Variants in SPTLC3 observed in about 807,000 individuals in gnomAD.
SPTLC3 encodes the protein serine palmitoyltransferase long chain base subunit 3.
A neutral mutation model predicts 59.3 loss-of-function variants in SPTLC3; 36 were observed. That is an observed-to-expected ratio of 0.61 (90% CI 0.47 to 0.80). The LOEUF is 0.80. Ranked by LOEUF, SPTLC3 falls within the 30% of genes least tolerant of loss-of-function variation. The pLI is 0.00. For missense variants in SPTLC3, 625 were observed against 685.1 expected, an observed-to-expected ratio of 0.91 and a Z score of 0.98; for synonymous variants, 257 against 240.8, an observed-to-expected ratio of 1.07 and a Z score of -0.62.
chr20:13,138,671 T>C (rs1424806690), intron 9 of SPTLC3, among the ~76,000 whole-genome samples: 1 of 152,222 alleles, frequency 6.6e-6, no homozygotes, highest in Non-Finnish European at 1.5e-5. Flanking sequence ...ATAGAATTAT[T>C]TTAGTTCAAA....
At chr20:13,041,759 T>G (rs368533269) in intron 1 of SPTLC3, among the ~76,000 whole-genome samples, 3 of 151,554 alleles carry the variant, frequency 2.0e-5, no homozygotes, top group East Asian at 3.9e-4. Flanking sequence ...AGGATTGTCT[T>G]TGTTGTGTTT....
intron 2 of SPTLC3, among the ~76,000 whole-genome samples, chr20:13,052,430 G>A (rs1165699315): frequency 6.6e-6 from 1 of 152,154 alleles, no homozygotes; most frequent in Non-Finnish European, 1.5e-5. Context: ...TGGGTTTCAA[G>A]CACAAAATTG....
chr20:13,165,084 G>T lies in SPTLC3; in HGVS notation c.*217G>T. ...CAGATTTAAGTCTCTCTTCTTCCAA[G>T]TATTCTACTAGAAATACACACACAC... On this transcript the variant is annotated 3_prime_UTR_variant, in exon 12 of 12. Coordinates refer to ENST00000399002, the MANE Select transcript of SPTLC3 (RefSeq NM_018327.4). The T allele has an allele frequency of 2.1e-6, 1 of 482,582 alleles. No individual in the cohort carries two copies. Among genetic ancestry groups the T allele is most frequent in the Non-Finnish European group, 3.7e-6 (1 of 273,204 alleles). The allele number at this position is 482,582 out of a possible 1,614,324, so 29.9% of individuals were successfully genotyped here.
chr20:13,009,032 C>T lies in SPTLC3; in HGVS notation c.-236C>T. 1 of 411,838 alleles carries T rather than the reference C, an allele frequency of 2.4e-6. No homozygotes were observed. Among genetic ancestry groups the T allele is most frequent in the Admixed American group, 4.1e-5 (1 of 24,568 alleles). The allele number at this position is 411,838 out of a possible 1,614,324, so 25.5% of individuals were successfully genotyped here. A position where few individuals can be genotyped will look rare whatever the true frequency, so the allele number is the denominator to read the frequency against. On this transcript the variant is annotated 5_prime_UTR_variant, in exon 1 of 12. Coordinates refer to ENST00000399002, the MANE Select transcript of SPTLC3 (RefSeq NM_018327.4). ...TACAGTTTCGGAAGCAGGTTTGTTG[C>T]CATGGAGTTCACATTTTGACGGGAG... is the stretch of plus-strand genomic sequence containing the variant.
intron 3 of SPTLC3, chr20:13,073,933 C>G: frequency 1.7e-6 from 1 of 580,436 alleles, no homozygotes; most frequent in South Asian, 1.4e-5. Context: ...CTGGATCATC[C>G]AGGGAGGTGT....
chr20:13,129,322 T>G (rs1221652866), intron 9 of SPTLC3, among the ~76,000 whole-genome samples: 1 of 152,186 alleles, frequency 6.6e-6, no homozygotes, highest in Admixed American at 6.5e-5. Flanking sequence ...TCTTTTAACC[T>G]TTTAACATTG....
intron 9 of SPTLC3, 35 bp from the exon 10 acceptor site, chr20:13,153,968 G>A (rs747059902): frequency 3.0e-5 from 48 of 1,608,810 alleles, no homozygotes; most frequent in Non-Finnish European, 4.0e-5. Context: ...TCTTTCTAGT[G>A]GGAATTGATG....
At chr20:13,050,806 A>G (rs966231835) in intron 2 of SPTLC3, 1 of 152,224 alleles carries the variant, frequency 6.6e-6, no homozygotes, top group East Asian at 1.9e-4. Context: ...TCAGCCAAGA[A>G]TTTTGTATAC....
chr20:13,108,393 C>T (rs759431702), intron 6 of SPTLC3, among the ~76,000 whole-genome samples: 3 of 151,978 alleles, frequency 2.0e-5, no homozygotes, highest in Non-Finnish European at 2.9e-5. Context: ...TGGGGGAAGC[C>T]CTAAAACAGA....
chr20:13,021,281 A>G (rs1273217029), intron 1 of SPTLC3, among the ~76,000 whole-genome samples: 1 of 152,060 alleles, frequency 6.6e-6, no homozygotes, highest in African/African-American at 2.4e-5. Flanking sequence ...GGCTTAGTCT[A>G]TGCCCCTCTA....
chr20:13,130,627 C>T (rs2038099593), intron 9 of SPTLC3, among the ~76,000 whole-genome samples: 1 of 152,204 alleles, frequency 6.6e-6, no homozygotes, highest in South Asian at 2.1e-4. Flanking sequence ...AGTTAATGCA[C>T]ACAGGCTGAG....
intron 7 of SPTLC3, among the ~76,000 whole-genome samples, chr20:13,117,279 A>T (rs1990612925): frequency 6.6e-6 from 1 of 152,248 alleles, no homozygotes; most frequent in African/African-American, 2.4e-5. Context: ...AGCTGAAACC[A>T]AAAGCACTTA....
chr20:13,164,885 G>A lies in SPTLC3; in HGVS notation c.*18G>A. 1 of 1,592,710 alleles carries A rather than the reference G, an allele frequency of 6.3e-7. No individual in the cohort carries two copies. Among genetic ancestry groups the A allele is most frequent in the East Asian group, 2.3e-5 (1 of 44,372 alleles). On this transcript the variant is annotated 3_prime_UTR_variant, in exon 12 of 12. Coordinates refer to ENST00000399002, the MANE Select transcript of SPTLC3 (RefSeq NM_018327.4). Reference sequence around the variant, plus strand: ...AAGATTAAGTTTCCTGGTCCTGAATGACACATAAAGACTTTGCGAGAAAGA... The same window carrying A: ...AAGATTAAGTTTCCTGGTCCTGAATAACACATAAAGACTTTGCGAGAAAGA...
intron 3 of SPTLC3, chr20:13,073,985 G>A (rs2236127): frequency 0.28 from 167,728 of 603,032 alleles, 24,232 homozygotes; most frequent in Middle Eastern, 0.35. Context: ...ATATCCTGAT[G>A]ACCAATGAAT....
At chr20:13,120,276 T>C (rs897978890) in intron 8 of SPTLC3, among the ~76,000 whole-genome samples, 2 of 152,184 alleles carry the variant, frequency 1.3e-5, no homozygotes, top group African/African-American at 4.8e-5. Context: ...TCCCAGATAC[T>C]TCCCGTATAT....
intron 6 of SPTLC3, among the ~76,000 whole-genome samples, chr20:13,095,601 T>C (rs1216094553): frequency 6.6e-6 from 1 of 152,114 alleles, no homozygotes; most frequent in Non-Finnish European, 1.5e-5. Flanking sequence ...GCTTTTAGGG[T>C]AGAAATCCTC....
At chr20:13,162,547 T>C (rs1005524227) in intron 11 of SPTLC3, among the ~76,000 whole-genome samples, 1 of 152,092 alleles carries the variant, frequency 6.6e-6, no homozygotes, top group Non-Finnish European at 1.5e-5. Flanking sequence ...AAGGTAGCAA[T>C]TGAACCTAAA....
At chr20:13,040,927 C>G (rs1337546240) in intron 1 of SPTLC3, among the ~76,000 whole-genome samples, 1 of 151,898 alleles carries the variant, frequency 6.6e-6, no homozygotes. Context: ...CTTTTGGCTT[C>G]CATTTTTTTC....
intron 1 of SPTLC3, among the ~76,000 whole-genome samples, chr20:13,023,739 T>G (rs1029016241): frequency 1.2e-4 from 19 of 152,340 alleles, no homozygotes; most frequent in Admixed American, 8.5e-4. Context: ...CATGCTTCTC[T>G]ATTGCTATCC....
Sources: gnomAD v4.1 joint callset for allele counts (sites outside exome capture counted in the v4.1 genomes callset) on GRCh38, gnomAD v4.1.1 for gene constraint, MANE v1.5 for transcripts, NCBI Gene and HGNC (gene_info 2026-07-23, HGNC 2026-07-21) for gene names.